SUPT16H: variants seen among roughly 807,000 people sequenced by gnomAD.
SUPT16H encodes SPT16 homolog, facilitates chromatin remodeling subunit, also known as FACT complex subunit SPT16.
Under a neutral mutation model 136.2 loss-of-function variants are expected in SUPT16H, and 24 were observed. The observed-to-expected ratio is 0.18, with a 90% CI of 0.13 to 0.25. The LOEUF is 0.25. Ranked by LOEUF, SUPT16H falls within the 10% of genes least tolerant of loss-of-function variation. The pLI, the probability that SUPT16H is intolerant of heterozygous loss-of-function variation, is 1.00. For synonymous variants in SUPT16H, 415 were observed against 428.2 expected (o/e 0.97, Z 0.38); for missense variants, 623 against 1,270.2 (o/e 0.49, Z 7.74).
At chr14:21,357,127 C>G (rs1205059967) in intron 22 of SUPT16H, 70 bp downstream of exon 22, 1 of 1,437,880 alleles carries the variant, frequency 7.0e-7, no homozygotes, top group Non-Finnish European at 9.2e-7. Context: ...TTATGCACAA[C>G]ATACCACATT....
chr14:21,366,571 GA>G, intron 7 of SUPT16H, 42 bp from the exon 8 acceptor site: 5 of 1,567,810 alleles, frequency 3.2e-6, no homozygotes, highest in Non-Finnish European at 4.3e-6. Flanking sequence ...TATCTTTTAG[GA>G]AAAAAACTCA....
chr14:21,368,359 T>C lies in SUPT16H; in HGVS notation c.865A>G (p.Thr289Ala). The C allele has an allele frequency of 6.2e-7, 1 of 1,614,070 alleles. No individual in the cohort carries two copies. The highest frequency in any genetic ancestry group is 8.5e-7 in the Non-Finnish European group (1 of 1,179,978). The change falls in exon 7 of 26, where the codon ACT (threonine) becomes GCT (alanine). Residue 289 changes from threonine to alanine, a missense_variant. Coordinates refer to ENST00000216297, the MANE Select transcript of SUPT16H (RefSeq NM_007192.4). The part of the protein sequence containing the change: ...FKSYCSNLVR[T>A]LMVDPSQEVQ... ...TCTTGAGAAGGATCAACCATCAAAGTGCGAACAAGGTTGGAGCAGTAAGAC... is the reference window on the plus strand; with the variant it reads ...TCTTGAGAAGGATCAACCATCAAAGCGCGAACAAGGTTGGAGCAGTAAGAC...
At chr14:21,381,768 C>G (rs540518469) in intron 1 of SUPT16H, among the ~76,000 whole-genome samples, 1 of 144,976 alleles carries the variant, frequency 6.9e-6, no homozygotes, top group East Asian at 2.1e-4. Flanking sequence ...CACCACCATG[C>G]CTGGTTAATT....
chr14:21,362,696 A>G, intron 14 of SUPT16H, 98 bp downstream of exon 14: 1 of 1,395,488 alleles, frequency 7.2e-7, no homozygotes, highest in South Asian at 1.4e-5. Flanking sequence ...GAAGGAGTCA[A>G]AAGTGGGAGA....
At chr14:21,374,441 C>T (rs2139415758) in intron 1 of SUPT16H, among the ~76,000 whole-genome samples, 1 of 152,366 alleles carries the variant, frequency 6.6e-6, no homozygotes, top group South Asian at 2.1e-4. Context: ...ATGCAACCAT[C>T]ACAATTTTGG....
chr14:21,373,306 C>G (rs1403249375), intron 2 of SUPT16H, 32 bp downstream of exon 2: 2 of 1,529,502 alleles, frequency 1.3e-6, no homozygotes, highest in Non-Finnish European at 1.8e-6. Context: ...TCCAACAACT[C>G]TAAGAGCTAA....
chr14:21,371,383 G>A (rs1334735757), intron 3 of SUPT16H, among the ~76,000 whole-genome samples: 1 of 152,158 alleles, frequency 6.6e-6, no homozygotes, highest in African/African-American at 2.4e-5. Context: ...CTCCTGAGCA[G>A]CTGGGACTAC....
In SUPT16H at chr14:21,361,141, G is replaced by A. The variant is rs1198901365; in HGVS notation, c.1866C>T (p.Phe622=). The A allele has an allele frequency of 3.7e-6, 6 of 1,613,856 alleles. No homozygotes were observed. Among genetic ancestry groups the A allele is most frequent in the Non-Finnish European group, 8.5e-7 (1 of 1,180,000 alleles). ...TVPALNLQNA[F]RIIKEVQKRY... is the part of the protein sequence containing the mutation. ...GTTTCTGTACTTCTTTAATAATTCG[G>A]AAAGCATTCTGAAGGTTCAAGGCTG... The change falls in exon 16 of 26, where the codon TTC becomes TTT. Residue 622 remains phenylalanine (F), a synonymous_variant. Transcript: ENST00000216297.
intron 7 of SUPT16H, 23 bp downstream of exon 7, chr14:21,368,246 C>T (rs1010324837): frequency 6.3e-6 from 10 of 1,597,560 alleles, no homozygotes; most frequent in Admixed American, 1.7e-5. Flanking sequence ...AACTTTCAAA[C>T]CTCCTTTTCT....
chr14:21,365,082 T>C lies in SUPT16H; in HGVS notation c.1108A>G (p.Lys370Glu), dbSNP rs1407091454. The C allele has an allele frequency of 6.2e-7, 1 of 1,613,854 alleles. No homozygotes were observed. The highest frequency in any genetic ancestry group is 1.7e-5 in the Admixed American group (1 of 59,986). Residue 370 changes from lysine (K) to glutamate (E), a missense_variant, in exon 9 of 26, where the codon AAA becomes GAA. Coordinates refer to ENST00000216297, the MANE Select transcript of SUPT16H (RefSeq NM_007192.4). Reference protein sequence around the residue: ...SLVINSKNQYKLKKGMVFSIN... With the variant: ...SLVINSKNQYELKKGMVFSIN... ...ATGTGAAACTTACCTTTCTTCAGTT[T>C]GTATTGATTTTTGCTATTGATTACT...
chr14:21,371,513 A>C (rs1231456577), intron 3 of SUPT16H, among the ~76,000 whole-genome samples: 1 of 152,104 alleles, frequency 6.6e-6, no homozygotes, highest in Non-Finnish European at 1.5e-5. Context: ...GCAGTATGAC[A>C]AAAAAAATTC....
intron 5 of SUPT16H, 34 bp from the exon 6 acceptor site, chr14:21,369,389 C>A (rs776329749): frequency 1.2e-5 from 19 of 1,613,046 alleles, no homozygotes; most frequent in Admixed American, 1.7e-5. Flanking sequence ...GTAACACTTA[C>A]TAGAGGGTAG....
chr14:21,352,509 G>A lies in SUPT16H; in HGVS notation c.*164C>T. ...ATTGGCACGTGTCCTGGTGGGCCTGGAATTCCCCGAGTAGATTGGTCCACA... is the reference window on the plus strand; with the variant it reads ...ATTGGCACGTGTCCTGGTGGGCCTGAAATTCCCCGAGTAGATTGGTCCACA... On this transcript the variant is annotated 3_prime_UTR_variant, in exon 26 of 26. Coordinates refer to ENST00000216297, the MANE Select transcript of SUPT16H (RefSeq NM_007192.4). 8.7e-7 allele frequency: 1 copy of A among 1,153,762 alleles called. No homozygotes were observed. The highest frequency in any genetic ancestry group is 1.2e-6 in the Non-Finnish European group (1 of 817,758). The allele number at this position is 1,153,762 out of a possible 1,614,324, so 71.5% of individuals were successfully genotyped here.
chr14:21,362,822 G>A lies in SUPT16H; in HGVS notation c.1637C>T (p.Ala546Val), dbSNP rs1886585714. 6.2e-7 allele frequency: 1 copy of A among 1,610,548 alleles called. No individual in the cohort carries two copies. The highest frequency in any genetic ancestry group is 1.3e-5 in the African/African-American group (1 of 74,846). The stretch of plus-strand genomic sequence containing the variant: ...GATTGTGGCAATGTGAAACGGTGTT[G>A]CAATGCCAAACACGGGCATTATTAC... ...ETVIMPVFGI[A>V]TPFHIATIKN... Residue 546 changes from alanine to valine, a missense_variant, in exon 14 of 26, where the codon GCA becomes GTA. This residue lies in a region of SUPT16H where 62 missense variants were observed against 200.5 expected (regional missense o/e 0.31). Transcript: ENST00000216297.
intron 8 of SUPT16H, 99 bp from the exon 9 acceptor site, chr14:21,365,242 C>G (rs1214150663): frequency 8.5e-7 from 1 of 1,176,066 alleles, no homozygotes; most frequent in African/African-American, 1.5e-5. Flanking sequence ...GACAGGCAAA[C>G]ATGTTTGAAA....
At chr14:21,371,718 T>C (rs1178775782) in intron 3 of SUPT16H, among the ~76,000 whole-genome samples, 156 bp downstream of exon 3, 1 of 152,210 alleles carries the variant, frequency 6.6e-6, no homozygotes, top group African/African-American at 2.4e-5. Flanking sequence ...TGAATTCTTT[T>C]CCTCCTAACA....
rs1285252044 is a variant in SUPT16H, at chr14:21,363,538, A to G, written c.1234-35T>C. On this transcript the variant is annotated intron_variant, in intron 10 of 25. Coordinates refer to ENST00000216297, the MANE Select transcript of SUPT16H (RefSeq NM_007192.4). ...AAAGGAGAATGAAGACACATTATTT[A>G]AAAGAGGCAATTTCATTTTCTAACC... 3.2e-6 allele frequency: 5 copies of G among 1,584,924 alleles called. No individual in the cohort carries two copies. The South Asian group carries it at 5.6e-5, about 18-fold the overall frequency.
intron 8 of SUPT16H, among the ~76,000 whole-genome samples, chr14:21,365,628 TA>T (rs1886648375): frequency 6.6e-6 from 1 of 152,230 alleles, no homozygotes; most frequent in Non-Finnish European, 1.5e-5. Flanking sequence ...AGAGAATGCC[TA>T]CATAAAGCTT....
rs200675076 is a variant in SUPT16H at position 21,352,693 on chromosome 14, G to T, written c.3124C>A (p.Pro1042Thr). 2 of 1,614,088 alleles carry T rather than the reference G, an allele frequency of 1.2e-6. No homozygotes were observed. Among genetic ancestry groups the T allele is most frequent in the South Asian group, 2.2e-5 (2 of 91,064 alleles). The change falls in exon 26 of 26, where the codon CCC (proline) becomes ACC (threonine). Residue 1042 changes from proline (P) to threonine (T), a missense_variant. This residue lies in a region of SUPT16H where 88 missense variants were observed against 135.5 expected (regional missense o/e 0.65). Transcript: ENST00000216297. ...AGAAGTTACTTCCTCTTTTTCTTGG[G>T]GGGTGCAGAGCTGTGTCTGGAACCA... ...NRGSRHSSAP[P>T]KKKRK
Sources: allele counts gnomAD v4.1 joint callset (sites outside exome capture counted in the v4.1 genomes callset), GRCh38; gene constraint gnomAD v4.1.1; regional missense constraint gnomAD v4.1.1; transcripts MANE v1.5; gene names NCBI Gene and HGNC (gene_info 2026-07-23, HGNC 2026-07-21).